NOTCH3: variants seen among roughly 807,000 people sequenced by gnomAD.
NOTCH3 encodes the protein neurogenic locus notch homolog protein 3.
Under a neutral mutation model 213.3 loss-of-function variants are expected in NOTCH3, and 86 were observed. The observed-to-expected ratio is 0.40, with a 90% confidence interval of 0.34 to 0.48. NOTCH3 has a LOEUF of 0.48. Among genes scored for constraint, NOTCH3 ranks in the 20% least tolerant of loss-of-function variants. The probability of loss-of-function intolerance (pLI) is 0.57; values close to 1 mark genes in which losing one functional copy is unlikely to be tolerated. For missense variants in NOTCH3, 2,783 were observed against 3,272.6 expected (o/e 0.85, Z 3.65); for synonymous variants, 1,354 against 1,355.9 (o/e 1.00, Z 0.03).
At position 15,189,017 on chromosome 19, in the gene NOTCH3, T is replaced by A. The variant is rs765234764; in HGVS notation, c.1350A>T (p.Ile450=). Residue 450 remains isoleucine (I), a synonymous_variant, in exon 8 of 33, where the codon ATA becomes ATT. Coordinates refer to ENST00000263388, the MANE Select transcript of NOTCH3 (RefSeq NM_000435.3). ...CCATACAGATACAGGTGAACTGGCC[T>A]ATGCGGTCGAGGCACGTGGCCTGGT... The part of the protein sequence containing the change: ...CRNQATCLDR[I]GQFTCICMAG... The A allele has an allele frequency of 3.1e-6, 5 of 1,612,170 alleles. No homozygotes were observed. Among genetic ancestry groups the A allele is most frequent in the Non-Finnish European group, 4.2e-6 (5 of 1,179,592 alleles).
At chr19:15,191,309 A>G in intron 6 of NOTCH3, 115 bp downstream of exon 6, 3 of 955,810 alleles carry the variant, frequency 3.1e-6, no homozygotes, top group Non-Finnish European at 4.9e-6. Context: ...CTATGATTAC[A>G]GGCATGAGCC....
At position 15,192,192 on chromosome 19, in the gene NOTCH3, G is replaced by C. The variant is rs1599394984; in HGVS notation, c.447C>G (p.Gly149=). The change falls in exon 4 of 33, where the codon GGC becomes GGG. Residue 149 remains glycine, a synonymous_variant. Coordinates refer to ENST00000263388, the MANE Select transcript of NOTCH3 (RefSeq NM_000435.3). ...DGRFLCSCPP[G]YQGRSCRSDV... is the part of the protein sequence containing the mutation. ...CGCTTCGGCAGCTGCGGCCCTGGTA[G>C]CCAGGTGGGCAGGAGCAGAGGAAGC... is the stretch of plus-strand genomic sequence containing the variant. 1.2e-6 allele frequency: 2 copies of C among 1,612,270 alleles called. No homozygotes were observed. Among genetic ancestry groups the C allele is most frequent in the Non-Finnish European group, 1.7e-6 (2 of 1,179,696 alleles).
In NOTCH3 at chr19:15,177,978, G is replaced by T; in HGVS notation, c.3950C>A (p.Pro1317Gln). The change falls in exon 24 of 33, where the codon CCA becomes CAA. Residue 1317 changes from proline to glutamine, a missense_variant. Around this residue, in one of 6 missense-constraint regions of NOTCH3, gnomAD observed 133 missense variants for 201.9 expected, o/e 0.66. Transcript: ENST00000263388. ...TPRGPRCACP[P>Q]GLSGPSCRSF... ...GCGGCAGGAGGGTCCCGACAACCCT[G>T]GGGGGCAGGCGCAGCGCGGCCCGCG... 1 of 1,420,144 alleles carries T rather than the reference G, an allele frequency of 7.0e-7. No homozygotes were observed. The highest frequency in any genetic ancestry group is 2.7e-5 in the Admixed American group (1 of 37,256). 88.0% of individuals were successfully genotyped at this position (1,420,144 alleles called of 1,614,324 possible). A position where few individuals can be genotyped will look rare whatever the true frequency, so the allele number is the denominator to read the frequency against.
rs188256466 is a variant in NOTCH3, at chr19:15,188,147, C to T, written c.1492+88G>A. The T allele has an allele frequency of 2.3e-4, 253 of 1,096,506 alleles. 1 individual carries two copies. Among genetic ancestry groups the T allele is most frequent in the Non-Finnish European group, 3.1e-4 (230 of 731,660 alleles). 67.9% of individuals were successfully genotyped at this position (1,096,506 alleles called of 1,614,324 possible). A position where few individuals can be genotyped will look rare whatever the true frequency, so the allele number is the denominator to read the frequency against. ...CATATGGTTTCTATTGTAAGTTATCCGCTAACGTGGTTTTACAGGTTCCCA... is the reference window on the plus strand; with the variant it reads ...CATATGGTTTCTATTGTAAGTTATCTGCTAACGTGGTTTTACAGGTTCCCA... On this transcript the variant is annotated intron_variant, in intron 9 of 32. Transcript: ENST00000263388.
chr19:15,197,683 G>A (rs1481067363), intron 1 of NOTCH3, 105 bp from the exon 2 acceptor site: 9 of 927,884 alleles, frequency 9.7e-6, no homozygotes, highest in Non-Finnish European at 1.5e-5. Context: ...GCTGCATGGG[G>A]ATGGGGGCGT....
At chr19:15,179,331 C>T (rs757182960) in intron 21 of NOTCH3, 33 bp downstream of exon 21, 1 of 1,611,324 alleles carries the variant, frequency 6.2e-7, no homozygotes, top group South Asian at 1.1e-5. Context: ...GACAGCCTCT[C>T]ATCCTGTCCC....
intron 2 of NOTCH3, among the ~76,000 whole-genome samples, chr19:15,192,819 G>A (rs969658613): frequency 6.6e-6 from 1 of 152,134 alleles, no homozygotes; most frequent in Admixed American, 6.6e-5. Context: ...AGAGGCTGAG[G>A]CAGGAGAATT....
chr19:15,197,441 G>GGGGCCCCCCCCC, intron 2 of NOTCH3, 59 bp downstream of exon 2: 2 of 768,358 alleles, frequency 2.6e-6, no homozygotes, highest in Non-Finnish European at 2.3e-6. Flanking sequence ...AAGACAAATC[G>GGGGCCCCCCCCC]CCCCTCCCCC....
At position 15,173,421 on chromosome 19, in the gene NOTCH3, CA is replaced by C. The variant is rs71168587; in HGVS notation, c.4736+646del. Among the ~76,000 whole-genome samples the C allele has an allele frequency of 3.5e-4, 24 of 68,792 alleles. 1 individual carries two copies. The South Asian group carries it at 0.01, about 29-fold the overall frequency. 45.1% of individuals were successfully genotyped at this position (68,792 alleles called of 152,430 possible). On this transcript the variant is annotated intron_variant, in intron 25 of 32. Transcript: ENST00000263388. ...TGGGCGACAGAGCGAGACTCCGTCT[CA>C]AAAAAAAAAAAAAAAAAAAAGAGAG...
intron 32 of NOTCH3, 86 bp downstream of exon 32, chr19:15,162,379 G>T: frequency 1.1e-6 from 1 of 924,818 alleles, no homozygotes; most frequent in South Asian, 1.3e-5. Flanking sequence ...TTTGTTTTTT[G>T]AGAGAGTCTC....
At chr19:15,200,287 T>G (rs2047001938) in intron 1 of NOTCH3, among the ~76,000 whole-genome samples, 1 of 147,978 alleles carries the variant, frequency 6.8e-6, no homozygotes, top group Non-Finnish European at 1.5e-5. Flanking sequence ...CGCGCCGGCC[T>G]GGGAAGTTTT....
intron 32 of NOTCH3, 86 bp downstream of exon 32, chr19:15,162,379 G>A (rs2046651879): frequency 2.2e-6 from 2 of 924,820 alleles, no homozygotes; most frequent in Non-Finnish European, 3.5e-6. Context: ...TTTGTTTTTT[G>A]AGAGAGTCTC....
intron 2 of NOTCH3, 59 bp downstream of exon 2, chr19:15,197,441 G>GCCCCACCCCCCCCCC: frequency 1.6e-5 from 12 of 768,336 alleles, no homozygotes; most frequent in Middle Eastern, 2.8e-4. Context: ...AAGACAAATC[G>GCCCCACCCCCCCCCC]CCCCTCCCCC....
Position 15,165,313 on chromosome 19 carries a change from C to T in NOTCH3, c.5815+55G>A. 1.3e-6 allele frequency: 2 copies of T among 1,578,630 alleles called. No individual in the cohort carries two copies. The highest frequency in any genetic ancestry group is 1.7e-6 in the Non-Finnish European group (2 of 1,160,346). ...GGTATGAATTTGCACCAACATGACC[C>T]TCAGGGCCCAGGTGACACCAACCCA... On this transcript the variant is annotated intron_variant, in intron 31 of 32. Transcript: ENST00000263388. The surrounding 1 kb of genome is among the most constrained non-coding windows in gnomAD (Gnocchi z 4.7).
intron 16 of NOTCH3, among the ~76,000 whole-genome samples, chr19:15,182,013 T>C (rs192991117): frequency 6.6e-6 from 1 of 152,344 alleles, no homozygotes; most frequent in African/African-American, 2.4e-5. Flanking sequence ...GGGCAGGATG[T>C]TGGGAAAACC....
At chr19:15,194,019 T>G (rs1568362771) in intron 2 of NOTCH3, among the ~76,000 whole-genome samples, 1 of 151,736 alleles carries the variant, frequency 6.6e-6, no homozygotes. Context: ...GAGGCGGAGG[T>G]TGCAGTAAGC....
At chr19:15,189,218 C>A (rs779379952) in intron 7 of NOTCH3, 44 bp from the exon 8 acceptor site, 1 of 1,613,232 alleles carries the variant, frequency 6.2e-7, no homozygotes, top group Non-Finnish European at 8.5e-7. Flanking sequence ...CTGGCCGGGA[C>A]CCCCTCCTCT....
At chr19:15,188,965 G>T (rs1371191061) in intron 8 of NOTCH3, 24 bp downstream of exon 8, 1 of 1,600,288 alleles carries the variant, frequency 6.2e-7, no homozygotes, top group South Asian at 1.1e-5. Context: ...CTCAGGACCC[G>T]CCCAGGCCAC....
At position 15,161,087 on chromosome 19, in the gene NOTCH3, G is replaced by C; in HGVS notation, c.6541C>G (p.Pro2181Ala). ...AGTGGCAGCAGGAACGAGGGGCCTG[G>C]AGGGGCAGGTGGGGGCAGCCGGGCC... is the stretch of plus-strand genomic sequence containing the variant. ...DWARLPPPAPPGPSFLLPLAP... is the reference protein window; with the variant it reads ...DWARLPPPAPAGPSFLLPLAP... The change falls in exon 33 of 33, where the codon CCA becomes GCA. Residue 2181 changes from proline (P) to alanine (A), a missense_variant. By Grantham distance (27) the Pro-to-Ala change is conservative (BLOSUM62 -1). Transcript: ENST00000263388. 6.5e-7 allele frequency: 1 copy of C among 1,542,146 alleles called. No homozygotes were observed. Among genetic ancestry groups the C allele is most frequent in the Non-Finnish European group, 8.7e-7 (1 of 1,149,674 alleles).
Sources: allele counts gnomAD v4.1 joint callset (sites outside exome capture counted in the v4.1 genomes callset), GRCh38; gene constraint gnomAD v4.1.1; regional missense constraint gnomAD v4.1.1; non-coding constraint Gnocchi (gnomAD v3.1); transcripts MANE v1.5; gene names NCBI Gene and HGNC (gene_info 2026-07-23, HGNC 2026-07-21).